RAP1GAP: variants seen among roughly 807,000 people sequenced by gnomAD.
The protein encoded by RAP1GAP is RAP1 GTPase activating protein.
RAP1GAP carries 35 observed loss-of-function variants against 87.2 expected under a neutral mutation model. The ratio of observed to expected loss-of-function variants is 0.40; its 90% confidence interval spans 0.31 to 0.53. RAP1GAP has a LOEUF of 0.53. RAP1GAP is among the 20% of genes least tolerant of loss of function. RAP1GAP has a pLI of 0.48. For synonymous variants in RAP1GAP, 375 were observed against 363.9 expected (o/e 1.03, Z -0.35); for missense variants, 734 against 898.9 (o/e 0.82, Z 2.35).
intron 1 of RAP1GAP, among the ~76,000 whole-genome samples, chr1:21,650,357 C>T (rs1293044213): frequency 6.6e-6 from 1 of 152,094 alleles, no homozygotes; most frequent in Non-Finnish European, 1.5e-5. Context: ...TACCCTGCTC[C>T]CTAAGACTTC....
Position 21,613,913 on chromosome 1 carries a change from C to A in RAP1GAP, c.395+73G>T. The A allele has an allele frequency of 1.5e-6, 2 of 1,342,254 alleles. No individual in the cohort carries two copies. Among genetic ancestry groups the A allele is most frequent in the South Asian group, 2.6e-5 (2 of 77,526 alleles). The allele number at this position is 1,342,254 out of a possible 1,614,324, so 83.1% of individuals were successfully genotyped here. Reference sequence around the variant, plus strand: ...ATGGGCCTTGATGAAGAGAGTGGGTCAAATGAGATGGGCTCTGAGATTGTA... The same window carrying A: ...ATGGGCCTTGATGAAGAGAGTGGGTAAAATGAGATGGGCTCTGAGATTGTA... On this transcript the variant is annotated intron_variant, in intron 8 of 24. Coordinates refer to ENST00000374765, the MANE Select transcript of RAP1GAP (RefSeq NM_002885.4). The surrounding 1 kb of genome is among the most constrained non-coding windows in gnomAD (Gnocchi z 4.7).
intron 6 of RAP1GAP, 98 bp downstream of exon 6, chr1:21,617,836 A>T (rs2083288170): frequency 1.3e-6 from 2 of 1,516,248 alleles, no homozygotes; most frequent in East Asian, 4.5e-5. Flanking sequence ...CAAGGCCTGC[A>T]GGTCAGGCTC....
At chr1:21,611,354 AG>A in intron 13 of RAP1GAP, 97 bp downstream of exon 13, 1 of 1,447,076 alleles carries the variant, frequency 6.9e-7, no homozygotes, top group South Asian at 1.3e-5. Flanking sequence ...TCTCCATCCC[AG>A]GGCCCAGCGC....
At position 21,609,010 on chromosome 1, in the gene RAP1GAP, C is replaced by A. The variant is rs571591612; in HGVS notation, c.1072-74G>T. ...ACATAAACAAGGGTCGGAACCCCAA[C>A]GAGGCAGAGGCTGCAGCTCCTGAAC... On this transcript the variant is annotated intron_variant, in intron 15 of 24. Transcript: ENST00000374765. The surrounding 1 kb of genome is among the most constrained non-coding windows in gnomAD (Gnocchi z 4.4). 5.5e-6 allele frequency: 7 copies of A among 1,271,526 alleles called. No individual in the cohort carries two copies. Among genetic ancestry groups the A allele is most frequent in the Non-Finnish European group, 8.0e-6 (7 of 870,508 alleles). The allele number at this position is 1,271,526 out of a possible 1,614,324, so 78.8% of individuals were successfully genotyped here.
At chr1:21,658,157 T>C (rs1223126338) in intron 1 of RAP1GAP, among the ~76,000 whole-genome samples, 2 of 152,174 alleles carry the variant, frequency 1.3e-5, no homozygotes, top group African/African-American at 2.4e-5. Flanking sequence ...CTAACTCTGG[T>C]TTACAAATGA....
At chr1:21,656,322 G>C (rs1183841307) in intron 1 of RAP1GAP, among the ~76,000 whole-genome samples, 1 of 151,062 alleles carries the variant, frequency 6.6e-6, no homozygotes, top group Admixed American at 6.6e-5. Flanking sequence ...AGGAGGCTGA[G>C]GCAGGAGAAT....
At position 21,669,341 on chromosome 1, in the gene RAP1GAP, C is replaced by T; in HGVS notation, c.-236G>A. On this transcript the variant is annotated 5_prime_UTR_variant, in exon 1 of 25. Transcript: ENST00000374765. This position sits in a 1 kb window ranked among gnomAD's most constrained non-coding sequence, Gnocchi z 5.6. ...GCTCTGCTCAGATGCGGCCGGCGCT[C>T]GCCGCCGCCGCAGTTCGGGGAGGGG... 1 of 1,066,538 alleles carries T rather than the reference C, an allele frequency of 9.4e-7. No individual in the cohort carries two copies. Among genetic ancestry groups the T allele is most frequent in the Non-Finnish European group, 1.1e-6 (1 of 878,196 alleles). 66.1% of individuals were successfully genotyped at this position (1,066,538 alleles called of 1,614,324 possible).
At position 21,603,587 on chromosome 1, in the gene RAP1GAP, G is replaced by A. The variant is rs1342818787; in HGVS notation, c.1429-674C>T. 2 of 665,774 alleles carry A rather than the reference G, an allele frequency of 3.0e-6. No individual in the cohort carries two copies. Among genetic ancestry groups the A allele is most frequent in the Admixed American group, 2.2e-5 (1 of 44,562 alleles). 41.2% of individuals were successfully genotyped at this position (665,774 alleles called of 1,614,324 possible). A position where few individuals can be genotyped will look rare whatever the true frequency, so the allele number is the denominator to read the frequency against. ...TGGGTACCGGATCCTGGCAGGGACTGGGCCAGGGTCCCAGGGGCCAAGGCA... is the reference window on the plus strand; with the variant it reads ...TGGGTACCGGATCCTGGCAGGGACTAGGCCAGGGTCCCAGGGGCCAAGGCA... On this transcript the variant is annotated intron_variant, in intron 18 of 24. Coordinates refer to ENST00000374765, the MANE Select transcript of RAP1GAP (RefSeq NM_002885.4). This position sits in a 1 kb window ranked among gnomAD's most constrained non-coding sequence, Gnocchi z 6.0.
chr1:21,654,542 A>G (rs2096782222), intron 1 of RAP1GAP, among the ~76,000 whole-genome samples: 1 of 152,236 alleles, frequency 6.6e-6, no homozygotes, highest in Non-Finnish European at 1.5e-5. Flanking sequence ...GTTAAGTAAA[A>G]CATTTGCTGA....
intron 2 of RAP1GAP, among the ~76,000 whole-genome samples, chr1:21,640,474 T>C (rs2095416963): frequency 6.6e-6 from 1 of 152,232 alleles, no homozygotes; most frequent in Admixed American, 6.5e-5. Context: ...TCTGTGCCTC[T>C]ATGTTCATGA....
At chr1:21,599,344 G>A in intron 21 of RAP1GAP, 150 bp downstream of exon 21, 1 of 1,115,420 alleles carries the variant, frequency 9.0e-7, no homozygotes, top group South Asian at 1.5e-5. Flanking sequence ...CTGAGCAGGG[G>A]AGGGTTCGTC....
At chr1:21,639,546 G>A (rs570382014) in intron 2 of RAP1GAP, among the ~76,000 whole-genome samples, 1 of 152,336 alleles carries the variant, frequency 6.6e-6, no homozygotes, top group East Asian at 1.9e-4. Context: ...CTATAAAATG[G>A]TGTTGAGAAT....
intron 1 of RAP1GAP, among the ~76,000 whole-genome samples, chr1:21,652,239 A>G (rs2096636472): frequency 6.6e-6 from 1 of 151,244 alleles, no homozygotes; most frequent in South Asian, 2.1e-4. Flanking sequence ...GCTCCCTCCC[A>G]GAAGCCTGGG....
chr1:21,602,095 G>A (rs1025380011), intron 19 of RAP1GAP, among the ~76,000 whole-genome samples: 1 of 152,200 alleles, frequency 6.6e-6, no homozygotes, highest in Non-Finnish European at 1.5e-5. Flanking sequence ...CAGCTAGGAC[G>A]TGGCAGTGCC....
intron 1 of RAP1GAP, among the ~76,000 whole-genome samples, chr1:21,657,111 C>T (rs916099542): frequency 5.3e-5 from 8 of 152,350 alleles, no homozygotes; most frequent in African/African-American, 1.7e-4. Flanking sequence ...GGCCTAGTAC[C>T]GTGCCACGCA....
At position 21,602,791 on chromosome 1, in the gene RAP1GAP, C is replaced by T. The variant is rs199575801; in HGVS notation, c.1538+13G>A. ...GATGCAGGGGAATGGGGCACTGTCC[C>T]CCACTCACCCACCTCTTCTCCTGCA... On this transcript the variant is annotated intron_variant, in intron 19 of 24. Transcript: ENST00000374765. 1.4e-5 allele frequency: 22 copies of T among 1,597,440 alleles called. No homozygotes were observed. In the East Asian group the frequency reaches 4.7e-4, roughly 34 times the overall value.
chr1:21,634,750 C>T lies in RAP1GAP; in HGVS notation c.-112-8353G>A, dbSNP rs961357736. On this transcript the variant is annotated intron_variant, in intron 2 of 24. Transcript: ENST00000374765. The surrounding 1 kb of genome is among the most constrained non-coding windows in gnomAD (Gnocchi z 4.1). The stretch of plus-strand genomic sequence containing the variant: ...CAGGGCACAGCATCTGGGAACCAGG[C>T]CACCCATTTACCTGCTGTCTATCCA... 2.3e-5 allele frequency: 11 copies of T among 474,114 alleles called. No individual in the cohort carries two copies. Among genetic ancestry groups the T allele is most frequent in the Admixed American group, 8.4e-5 (4 of 47,376 alleles). The allele number at this position is 474,114 out of a possible 1,614,324, so 29.4% of individuals were successfully genotyped here. A position where few individuals can be genotyped will look rare whatever the true frequency, so the allele number is the denominator to read the frequency against.
intron 1 of RAP1GAP, among the ~76,000 whole-genome samples, chr1:21,657,546 G>C (rs947931650): frequency 6.6e-6 from 1 of 152,226 alleles, no homozygotes; most frequent in Non-Finnish European, 1.5e-5. Context: ...CTCCAGGATT[G>C]CAGAGTGGAG....
At chr1:21,651,609 C>A in intron 1 of RAP1GAP, 1 of 712,606 alleles carries the variant, frequency 1.4e-6, no homozygotes. Context: ...CACACACAGG[C>A]GCCACAGCAC....
Sources: gnomAD v4.1 joint callset for allele counts (sites outside exome capture counted in the v4.1 genomes callset) on GRCh38, gnomAD v4.1.1 for gene constraint, Gnocchi (gnomAD v3.1) non-coding constraint, MANE v1.5 for transcripts, NCBI Gene and HGNC (gene_info 2026-07-23, HGNC 2026-07-21) for gene names.